SPATA18: variants seen among roughly 807,000 people sequenced by gnomAD.
The protein encoded by SPATA18 is spermatogenesis associated 18, also known as mitochondria-eating protein.
In SPATA18, 54 loss-of-function variants were observed where a neutral mutation model predicts 68.1. That is an observed-to-expected ratio of 0.79 (90% confidence interval 0.64 to 0.99). SPATA18 has a LOEUF of 0.99. Ranked by LOEUF, SPATA18 falls within the 50% of genes least tolerant of loss-of-function variation. The pLI is 0.00. For missense variants in SPATA18, 724 were observed against 681.1 expected (o/e 1.06, Z -0.70); for synonymous variants, 242 against 244.8 (o/e 0.99, Z 0.11).
chr4:52,056,505 AATT>A (rs1258895871), intron 1 of SPATA18, among the ~76,000 whole-genome samples: 1 of 152,108 alleles, frequency 6.6e-6, no homozygotes, highest in Admixed American at 6.5e-5. Context: ...GGTGATCAGT[AATT>A]ATTAGGTACC....
At chr4:52,063,928 T>C (rs1447486594) in intron 4 of SPATA18, among the ~76,000 whole-genome samples, 1 of 152,070 alleles carries the variant, frequency 6.6e-6, no homozygotes, top group African/African-American at 2.4e-5. Flanking sequence ...GCATCAAAAC[T>C]TTACTGGTTC....
At chr4:52,078,348 C>T (rs1256469366) in intron 7 of SPATA18, 1 of 155,934 alleles carries the variant, frequency 6.4e-6, no homozygotes, top group Non-Finnish European at 1.4e-5. Context: ...TGCCAGGACA[C>T]ATGTCTGAGT....
At chr4:52,075,401 T>C (rs1316464404) in intron 6 of SPATA18, among the ~76,000 whole-genome samples, 1 of 152,152 alleles carries the variant, frequency 6.6e-6, no homozygotes, top group African/African-American at 2.4e-5. Context: ...GGATATTTCC[T>C]CCTGATTATT....
intron 10 of SPATA18, chr4:52,083,024 G>T (rs561113908): frequency 4.1e-6 from 4 of 985,370 alleles, no homozygotes; most frequent in Middle Eastern, 5.2e-4. Flanking sequence ...GTTTGGGAAG[G>T]TCGCTTCCTA....
intron 10 of SPATA18, among the ~76,000 whole-genome samples, chr4:52,084,433 T>C (rs1741242034): frequency 2.0e-5 from 3 of 152,218 alleles, no homozygotes; most frequent in Admixed American, 1.3e-4. Flanking sequence ...ACTATAGCTT[T>C]CTTCTTATTC....
At chr4:52,054,209 C>A (rs1219671628) in intron 1 of SPATA18, among the ~76,000 whole-genome samples, 1 of 152,214 alleles carries the variant, frequency 6.6e-6, no homozygotes, top group African/African-American at 2.4e-5. Flanking sequence ...TAGCCACATG[C>A]AGCTCATGGC....
chr4:52,054,991 T>C (rs1383095952), intron 1 of SPATA18, among the ~76,000 whole-genome samples: 6 of 151,810 alleles, frequency 4.0e-5, no homozygotes, highest in Admixed American at 1.3e-4. Context: ...GAGTCTGTTA[T>C]ATTAGTCTTA....
chr4:52,054,287 G>T (rs986875056), intron 1 of SPATA18, among the ~76,000 whole-genome samples: 2 of 152,180 alleles, frequency 1.3e-5, no homozygotes, highest in African/African-American at 4.8e-5. Context: ...TGCACTCACT[G>T]TTTTCTCTGC....
chr4:52,052,624 T>C (rs1223199187), intron 1 of SPATA18, among the ~76,000 whole-genome samples: 1 of 152,250 alleles, frequency 6.6e-6, no homozygotes, highest in Non-Finnish European at 1.5e-5. Flanking sequence ...CCCCCTTGTT[T>C]CTACATTTGG....
chr4:52,051,512 G>A lies in SPATA18; in HGVS notation c.-193G>A. The A allele has an allele frequency of 3.3e-6, 2 of 603,482 alleles. No individual in the cohort carries two copies. Among genetic ancestry groups the A allele is most frequent in the Non-Finnish European group, 5.9e-6 (2 of 341,486 alleles). The allele number at this position is 603,482 out of a possible 1,614,324, so 37.4% of individuals were successfully genotyped here. ...GATGAGGCGCGGCGGCTGCGGCCCA[G>A]GGCACCTCCCCTCTGGCTTCCCGAA... On this transcript the variant is annotated 5_prime_UTR_variant, in exon 1 of 13. Transcript: ENST00000295213.
rs975295445 is a variant in SPATA18, at chr4:52,077,028, C to T, written c.1008C>T (p.Tyr336=). ...DKAETVQRII[Y]IATVEAFHVA... ...CTGAGACCGTTCAGCGGATCATCTA[C>T]ATCGCCACAGTGGTATGTGACGCCT... is the stretch of plus-strand genomic sequence containing the variant. Residue 336 remains tyrosine (Y), a synonymous_variant, in exon 7 of 13, where the codon TAC becomes TAT. Coordinates refer to ENST00000295213, the MANE Select transcript of SPATA18 (RefSeq NM_145263.4). 1.2e-6 allele frequency: 2 copies of T among 1,604,620 alleles called. No homozygotes were observed. The highest frequency in any genetic ancestry group is 2.7e-5 in the African/African-American group (2 of 74,712).
chr4:52,084,752 G>C (rs1469355577), intron 10 of SPATA18, among the ~76,000 whole-genome samples, 164 bp from the exon 11 acceptor site: 1 of 152,184 alleles, frequency 6.6e-6, no homozygotes, highest in Non-Finnish European at 1.5e-5. Flanking sequence ...ATATTGGGCA[G>C]CTATAGGAGG....
Position 52,051,793 on chromosome 4 carries a change from TG to T in SPATA18, c.87+3del. 1 of 1,613,770 alleles carries T rather than the reference TG, an allele frequency of 6.2e-7. No homozygotes were observed. Among genetic ancestry groups the T allele is most frequent in the Non-Finnish European group, 8.5e-7 (1 of 1,179,898 alleles). On this transcript the variant is annotated splice_donor_region_variant and intron_variant, in intron 1 of 12. Transcript: ENST00000295213. ...GACTTCTGGCTGAAGGAGTACAACG[TG>T]AGTCTGGGTGAAAAACCCCCGGGGT... is the stretch of plus-strand genomic sequence containing the variant.
Position 52,051,597 on chromosome 4 carries a change from A to G in SPATA18, c.-108A>G, listed in dbSNP as rs960507912. ...ACACCTGCCGCGCTCTGAGCCCCCC[A>G]GAAGAGAACACCCTTCCCGCCATAT... On this transcript the variant is annotated 5_prime_UTR_variant, in exon 1 of 13. Coordinates refer to ENST00000295213, the MANE Select transcript of SPATA18 (RefSeq NM_145263.4). 12 of 1,063,186 alleles carry G rather than the reference A, an allele frequency of 1.1e-5. No individual in the cohort carries two copies. In the African/African-American group the frequency reaches 1.7e-4, roughly 15 times the overall value. 65.9% of individuals were successfully genotyped at this position (1,063,186 alleles called of 1,614,324 possible).
chr4:52,061,516 A>ATAATAG (rs1738853339), intron 3 of SPATA18, among the ~76,000 whole-genome samples: 1 of 150,522 alleles, frequency 6.6e-6, no homozygotes, highest in Non-Finnish European at 1.5e-5. Flanking sequence ...AATAATAATA[A>ATAATAG]TAATAACAGA....
rs1737896576 is a variant in SPATA18 at position 52,051,794 on chromosome 4, G to C, written c.87+3G>C. Reference sequence around the variant, plus strand: ...ACTTCTGGCTGAAGGAGTACAACGTGAGTCTGGGTGAAAAACCCCCGGGGT... The same window carrying C: ...ACTTCTGGCTGAAGGAGTACAACGTCAGTCTGGGTGAAAAACCCCCGGGGT... On this transcript the variant is annotated splice_donor_region_variant and intron_variant, in intron 1 of 12. Transcript: ENST00000295213. 1 of 1,614,066 alleles carries C rather than the reference G, an allele frequency of 6.2e-7. No homozygotes were observed. The highest frequency in any genetic ancestry group is 8.5e-7 in the Non-Finnish European group (1 of 1,179,924).
intron 1 of SPATA18, among the ~76,000 whole-genome samples, chr4:52,052,621 G>T (rs534658738): frequency 5.3e-5 from 8 of 152,264 alleles, no homozygotes; most frequent in African/African-American, 1.9e-4. Flanking sequence ...GCCCCCCCTT[G>T]TTTCTACATT....
chr4:52,096,218 A>C lies in SPATA18; in HGVS notation c.*1331A>C, dbSNP rs1053237836. On this transcript the variant is annotated 3_prime_UTR_variant, in exon 13 of 13. Transcript: ENST00000295213. ...GAGTTGAATTTTTTGCCCTCTTTGC[A>C]TATTTACATTAGTCATCACTTTGAA... The C allele has an allele frequency of 6.6e-6, 1 of 152,172 alleles. No individual in the cohort carries two copies. The highest frequency in any genetic ancestry group is 1.5e-5 in the Non-Finnish European group (1 of 68,052). 9.4% of individuals were successfully genotyped at this position (152,172 alleles called of 1,614,324 possible).
At chr4:52,091,864 C>T (rs990510565) in intron 11 of SPATA18, among the ~76,000 whole-genome samples, 1 of 152,050 alleles carries the variant, frequency 6.6e-6, no homozygotes, top group Admixed American at 6.6e-5. Context: ...CTGCTATAAG[C>T]CCCTGACTGG....
Sources: gnomAD v4.1 joint callset for allele counts (sites outside exome capture counted in the v4.1 genomes callset) on GRCh38, gnomAD v4.1.1 for gene constraint, MANE v1.5 for transcripts, NCBI Gene and HGNC (gene_info 2026-07-23, HGNC 2026-07-21) for gene names.